Variants in RAD51B observed in about 807,000 individuals in gnomAD.
The protein encoded by RAD51B is RAD51 paralog B.
In RAD51B, 38 loss-of-function variants were observed where a neutral mutation model predicts 42.2. The ratio of observed to expected loss-of-function variants is 0.90; its 90% confidence interval spans 0.70 to 1.18. The LOEUF is 1.18. Among genes scored for constraint, RAD51B ranks in the 50% most tolerant of loss-of-function variants. The pLI is 0.00. For missense variants in RAD51B, 373 were observed against 400.7 expected, an observed-to-expected ratio of 0.93 and a Z score of 0.59; for synonymous variants, 154 against 145.2, an observed-to-expected ratio of 1.06 and a Z score of -0.43.
intron 7 of RAD51B, among the ~76,000 whole-genome samples, chr14:67,923,390 C>T (rs35171166): frequency 6.7e-6 from 1 of 150,200 alleles, no homozygotes; most frequent in Middle Eastern, 3.2e-3. Context: ...ACCTCTGCCT[C>T]CCGGGTTCAA....
chr14:68,428,445 G>A (rs1477916961), intron 9 of RAD51B, among the ~76,000 whole-genome samples: 4 of 151,732 alleles, frequency 2.6e-5, no homozygotes, highest in Admixed American at 2.6e-4. Context: ...TTAACTGTAT[G>A]CACATTGTCA....
At chr14:68,482,193 G>GTGTGTGTGTGTGTGTGTGTA (rs1555416841), downstream of RAD51B, among the ~76,000 whole-genome samples, 2 of 151,862 alleles carry the variant, frequency 1.3e-5, no homozygotes, top group African/African-American at 2.4e-5. Context: ...GTGTGTGTGT[G>GTGTGTGTGTGTGTGTGTGTA]TGTGTATGTG....
chr14:68,438,295 G>A (rs1240161787), intron 9 of RAD51B, among the ~76,000 whole-genome samples: 1 of 152,144 alleles, frequency 6.6e-6, no homozygotes, highest in African/African-American at 2.4e-5. Context: ...AGATGGTTAG[G>A]AGGCAGGATC....
chr14:67,865,000 T>TTTTTTTTTG lies in RAD51B; in HGVS notation c.316-3_316-2insTTTTTTTTG. 2 of 1,180,706 alleles carry TTTTTTTTTG rather than the reference T, an allele frequency of 1.7e-6. No individual in the cohort carries two copies. Among genetic ancestry groups the TTTTTTTTTG allele is most frequent in the Non-Finnish European group, 1.1e-6 (1 of 924,626 alleles). The allele number at this position is 1,180,706 out of a possible 1,614,324, so 73.1% of individuals were successfully genotyped here. A position where few individuals can be genotyped will look rare whatever the true frequency, so the allele number is the denominator to read the frequency against. ...TTTTTTTTTTTTTTTTTTTTTTTTT[T>TTTTTTTTTG]AGATTACAGGTCCACCAGGTTGTGG... On this transcript the variant is annotated splice_region_variant and splice_polypyrimidine_tract_variant and intron_variant, in intron 4 of 10. Transcript: ENST00000471583.
intron 7 of RAD51B, among the ~76,000 whole-genome samples, chr14:68,232,155 GAC>G (rs1166296591): frequency 6.6e-6 from 1 of 152,086 alleles, no homozygotes; most frequent in East Asian, 1.9e-4. Context: ...GCAAACAAAA[GAC>G]AACAACAGTG....
chr14:67,934,834 A>G (rs961271779), intron 7 of RAD51B, among the ~76,000 whole-genome samples: 5 of 152,134 alleles, frequency 3.3e-5, no homozygotes, highest in Non-Finnish European at 5.9e-5. Context: ...CATACGTTGA[A>G]CGAATGGTAG....
At position 68,554,461 on chromosome 14, in the gene RAD51B, G is replaced by A. The variant is rs149110504; in HGVS notation, c.1037-40024G>A. Among the ~76,000 whole-genome samples, 45 of 152,102 alleles carry A rather than the reference G, an allele frequency of 3.0e-4. 1 individual carries two copies. In the East Asian group the frequency reaches 8.7e-3, roughly 29 times the overall value. On this transcript the variant is annotated intron_variant, in intron 10 of 10. Coordinates refer to the RAD51B transcript ENST00000487270. Reference sequence around the variant, plus strand: ...CCTTGGTGAGTGGTTTCTACACCTGGACTCCTCTCCCCCACATGCCGACAC... The same window carrying A: ...CCTTGGTGAGTGGTTTCTACACCTGAACTCCTCTCCCCCACATGCCGACAC...
intron 10 of RAD51B, among the ~76,000 whole-genome samples, chr14:68,508,935 C>G (rs1452409123): frequency 6.6e-6 from 1 of 152,246 alleles, no homozygotes; most frequent in African/African-American, 2.4e-5. Context: ...CCTGAAGCAC[C>G]ACTTGTGGCT....
intron 7 of RAD51B, among the ~76,000 whole-genome samples, chr14:68,152,216 T>C (rs2078403960): frequency 6.6e-6 from 1 of 152,302 alleles, no homozygotes; most frequent in Middle Eastern, 3.4e-3. Context: ...GCTGCATGAA[T>C]GATAAAAGTT....
intron 10 of RAD51B, among the ~76,000 whole-genome samples, chr14:68,589,460 T>C (rs1240938995): frequency 1.3e-5 from 2 of 152,168 alleles, no homozygotes; most frequent in African/African-American, 2.4e-5. Flanking sequence ...TCAAAACGGC[T>C]ATCACATCAC....
intron 7 of RAD51B, among the ~76,000 whole-genome samples, chr14:68,201,330 A>G (rs1223803048): frequency 6.6e-6 from 1 of 152,246 alleles, no homozygotes; most frequent in African/African-American, 2.4e-5. Context: ...GAAAGCAATG[A>G]AAAGAACAGT....
intron 10 of RAD51B, among the ~76,000 whole-genome samples, chr14:68,602,910 C>T (rs1891283580): frequency 6.6e-6 from 1 of 152,168 alleles, no homozygotes; most frequent in Non-Finnish European, 1.5e-5. Flanking sequence ...ACAATGCTTC[C>T]CTGCTCCAAA....
chr14:68,256,267 T>G (rs971075856), intron 7 of RAD51B, among the ~76,000 whole-genome samples: 1 of 152,186 alleles, frequency 6.6e-6, no homozygotes, highest in Non-Finnish European at 1.5e-5. Context: ...TCACTGGCCA[T>G]TTCTGTCATG....
intron 10 of RAD51B, among the ~76,000 whole-genome samples, chr14:68,548,495 T>G (rs954933756): frequency 1.3e-5 from 2 of 152,242 alleles, no homozygotes; most frequent in Non-Finnish European, 2.9e-5. Context: ...CAGTTTGATT[T>G]ACTCCGCAGG....
intron 4 of RAD51B, chr14:67,864,762 G>A (rs1238473091): frequency 1.5e-6 from 1 of 648,174 alleles, no homozygotes; most frequent in East Asian, 3.7e-5. Flanking sequence ...GATGATTTGA[G>A]TGACTATTTT....
chr14:67,820,309 G>C (rs1442213055), intron 1 of RAD51B, among the ~76,000 whole-genome samples: 1 of 152,186 alleles, frequency 6.6e-6, no homozygotes, highest in Non-Finnish European at 1.5e-5. Flanking sequence ...TTCTCAACTA[G>C]TTACCTCAGT....
intron 7 of RAD51B, among the ~76,000 whole-genome samples, chr14:67,929,235 A>G (rs1401320361): frequency 6.8e-6 from 1 of 148,058 alleles, no homozygotes; most frequent in South Asian, 2.1e-4. Flanking sequence ...ATTGCTATAA[A>G]CTCCCCTCTT....
At chr14:68,216,164 T>A (rs2079810001) in intron 7 of RAD51B, among the ~76,000 whole-genome samples, 1 of 152,236 alleles carries the variant, frequency 6.6e-6, no homozygotes, top group South Asian at 2.1e-4. Flanking sequence ...ACCTTTGGCA[T>A]CAGCCCAAGC....
chr14:67,994,606 A>G (rs530084585), intron 7 of RAD51B, among the ~76,000 whole-genome samples: 1 of 152,306 alleles, frequency 6.6e-6, no homozygotes, highest in African/African-American at 2.4e-5. Context: ...GCAGGATTTA[A>G]GGCAGGGAGG....
Sources: allele counts gnomAD v4.1 joint callset (sites outside exome capture counted in the v4.1 genomes callset), GRCh38; gene constraint gnomAD v4.1.1; transcripts MANE v1.5; gene names NCBI Gene and HGNC (gene_info 2026-07-23, HGNC 2026-07-21).